The following DPP10 variants were observed in gnomAD, a reference collection of about 807,000 sequenced individuals.
DPP10 encodes inactive dipeptidyl peptidase 10.
A neutral mutation model predicts 120.9 loss-of-function variants in DPP10; 33 were observed. The observed-to-expected ratio is 0.27, with a 90% CI of 0.21 to 0.37. DPP10 has a LOEUF of 0.37. DPP10 is among the 10% of genes least tolerant of loss of function. DPP10 has a pLI of 1.00. For synonymous variants in DPP10, 337 were observed against 326.1 expected (o/e 1.03, Z -0.36); for missense variants, 816 against 942.8 (o/e 0.87, Z 1.76).
chr2:114,492,536 AT>A (rs1433580840), intron 1 of DPP10, among the ~76,000 whole-genome samples: 3 of 152,326 alleles, frequency 2.0e-5, no homozygotes, highest in Non-Finnish European at 4.4e-5. Flanking sequence ...GTCCTATAAG[AT>A]TTCAAGGGAA....
At chr2:114,669,246 C>T (rs1396223044) in intron 1 of DPP10, among the ~76,000 whole-genome samples, 2 of 152,134 alleles carry the variant, frequency 1.3e-5, no homozygotes, top group African/African-American at 4.8e-5. Flanking sequence ...GAGATAACAA[C>T]AGTATCAAAG....
At chr2:115,082,210 A>G (rs1443498991) in intron 1 of DPP10, among the ~76,000 whole-genome samples, 1 of 152,136 alleles carries the variant, frequency 6.6e-6, no homozygotes, top group Admixed American at 6.5e-5. Flanking sequence ...AGGTTAAGTA[A>G]GGTCTTAAAT....
chr2:114,464,855 A>C (rs1251235220), intron 1 of DPP10, among the ~76,000 whole-genome samples: 1 of 152,120 alleles, frequency 6.6e-6, no homozygotes, highest in East Asian at 1.9e-4. Context: ...ACAGAGTGAG[A>C]CTCCATCTCA....
chr2:114,477,473 A>G (rs530520757), intron 1 of DPP10, among the ~76,000 whole-genome samples: 117 of 151,310 alleles, frequency 7.7e-4, no homozygotes, highest in African/African-American at 2.7e-3. Flanking sequence ...ACACATATAC[A>G]CATACATACA....
chr2:115,012,336 G>A (rs1490939203), intron 1 of DPP10, among the ~76,000 whole-genome samples: 1 of 152,082 alleles, frequency 6.6e-6, no homozygotes, highest in African/African-American at 2.4e-5. Context: ...CACAGATAAT[G>A]GGCTCTTGAG....
intron 19 of DPP10, among the ~76,000 whole-genome samples, chr2:115,802,075 G>A (rs936507303): frequency 6.6e-6 from 1 of 151,996 alleles, no homozygotes; most frequent in Non-Finnish European, 1.5e-5. Context: ...GACTTTTTTT[G>A]GTTGGTAAGC....
chr2:115,175,785 A>G (rs2053646178), intron 1 of DPP10, among the ~76,000 whole-genome samples: 1 of 152,232 alleles, frequency 6.6e-6, no homozygotes, highest in South Asian at 2.1e-4. Context: ...GTGACACTGA[A>G]GAATTGTATT....
At chr2:114,447,028 T>A (rs1257335121) in intron 1 of DPP10, among the ~76,000 whole-genome samples, 1 of 144,012 alleles carries the variant, frequency 6.9e-6, no homozygotes, top group Non-Finnish European at 1.5e-5. Flanking sequence ...TCTCACTGGT[T>A]GTTAAATTTT....
chr2:114,716,890 A>G (rs930378698), intron 1 of DPP10, among the ~76,000 whole-genome samples: 2 of 152,186 alleles, frequency 1.3e-5, no homozygotes, highest in Non-Finnish European at 2.9e-5. Context: ...ACTTGACCCA[A>G]TATATTGAAG....
At chr2:115,800,605 T>C (rs1222274500) in intron 19 of DPP10, among the ~76,000 whole-genome samples, 2 of 152,112 alleles carry the variant, frequency 1.3e-5, no homozygotes, top group Non-Finnish European at 2.9e-5. Flanking sequence ...CTTGAATTAA[T>C]TTTTGTATAA....
At chr2:115,811,092 A>G (rs1479465209) in intron 19 of DPP10, among the ~76,000 whole-genome samples, 1 of 152,210 alleles carries the variant, frequency 6.6e-6, no homozygotes, top group African/African-American at 2.4e-5. Context: ...TGAACAAGTA[A>G]TGTCCCTCAT....
At chr2:115,785,635 A>G (rs2053722) in intron 17 of DPP10, among the ~76,000 whole-genome samples, 24,983 of 152,130 alleles carry the variant, frequency 0.16, 2,323 homozygotes, top group Non-Finnish European at 0.21. Flanking sequence ...CGGCACTCAT[A>G]ATAGTCTCTG....
chr2:115,786,176 A>G lies in DPP10; in HGVS notation c.1531+3777A>G, dbSNP rs183577541. Among the ~76,000 whole-genome samples, 321 of 152,330 alleles carry G rather than the reference A, an allele frequency of 2.1e-3. 2 individuals are homozygous for G. The highest frequency in any genetic ancestry group is 7.4e-3 in the African/African-American group (309 of 41,580). ...TATAACAGTCTATGATTATTTCTCT[A>G]GTAAAAGTGCACACAGTTCAGGACA... On this transcript the variant is annotated intron_variant, in intron 17 of 25. Coordinates refer to ENST00000410059, the MANE Select transcript of DPP10 (RefSeq NM_020868.6).
At chr2:115,133,145 G>GTATATATATA (rs1246180843) in intron 1 of DPP10, among the ~76,000 whole-genome samples, 927 of 28,642 alleles carry the variant, frequency 0.032, 34 homozygotes, top group Middle Eastern at 0.045. Context: ...GTGTGTGTGT[G>GTATATATATA]TATATATATA....
intron 1 of DPP10, among the ~76,000 whole-genome samples, chr2:114,843,836 C>T (rs1169754399): frequency 6.6e-6 from 1 of 151,918 alleles, no homozygotes; most frequent in Non-Finnish European, 1.5e-5. Context: ...GATTAATCAG[C>T]TACCATTACA....
intron 5 of DPP10, among the ~76,000 whole-genome samples, chr2:115,629,419 T>G (rs374758199): frequency 1.4e-4 from 22 of 152,228 alleles, no homozygotes; most frequent in South Asian, 8.3e-4. Context: ...TGAACTAGTT[T>G]ACAGTCCCAC....
At chr2:114,568,203 G>C (rs573207022) in intron 1 of DPP10, among the ~76,000 whole-genome samples, 5 of 151,908 alleles carry the variant, frequency 3.3e-5, no homozygotes, top group Non-Finnish European at 7.4e-5. Flanking sequence ...ATATATTTAT[G>C]GGGGCACATG....
chr2:115,232,616 A>G lies in DPP10; in HGVS notation c.61-76623A>G, dbSNP rs564951059. ...TAGCCACTGGAAAAAAAATTCTGCC[A>G]TATATGAGTGCTCGTATGCATTCTG... On this transcript the variant is annotated intron_variant, in intron 1 of 25. Transcript: ENST00000410059. Among the ~76,000 whole-genome samples the G allele has an allele frequency of 3.4e-4, 52 of 152,346 alleles. No homozygotes were observed. The South Asian group carries it at 0.011, about 32-fold the overall frequency.
intron 1 of DPP10, among the ~76,000 whole-genome samples, chr2:115,075,248 T>C (rs1707689535): frequency 6.6e-6 from 1 of 152,242 alleles, no homozygotes; most frequent in Admixed American, 6.5e-5. Flanking sequence ...TTCTCTTTCT[T>C]AGAAGTTGTT....
Sources: gnomAD v4.1 joint callset for allele counts (sites outside exome capture counted in the v4.1 genomes callset) on GRCh38, gnomAD v4.1.1 for gene constraint, MANE v1.5 for transcripts, NCBI Gene and HGNC (gene_info 2026-07-23, HGNC 2026-07-21) for gene names.